The following SYCP1 variants were observed in gnomAD, a reference collection of about 807,000 sequenced individuals.
SYCP1 encodes synaptonemal complex protein 1.
Under a neutral mutation model 153.1 loss-of-function variants are expected in SYCP1, and 64 were observed. The ratio of observed to expected loss-of-function variants is 0.42; its 90% CI spans 0.34 to 0.51. The LOEUF is 0.51. Among genes scored for constraint, SYCP1 ranks in the 20% least tolerant of loss-of-function variants. SYCP1 has a pLI of 0.06. For missense variants in SYCP1, 997 were observed against 1,049.0 expected (o/e 0.95, Z 0.68); for synonymous variants, 384 against 341.8 (o/e 1.12, Z -1.36).
At chr1:114,860,398 C>T (rs968768023) in intron 7 of SYCP1, among the ~76,000 whole-genome samples, 5 of 152,026 alleles carry the variant, frequency 3.3e-5, no homozygotes, top group African/African-American at 7.2e-5. Flanking sequence ...CATTATTTTT[C>T]CTTAGGCAAA....
intron 16 of SYCP1, among the ~76,000 whole-genome samples, chr1:114,907,588 T>G (rs1332086961): frequency 6.6e-6 from 1 of 151,508 alleles, no homozygotes; most frequent in Non-Finnish European, 1.5e-5. Context: ...GAAACTTTTT[T>G]TTTTTTTTTT....
At chr1:114,952,220 C>T (rs564457225) in intron 27 of SYCP1, among the ~76,000 whole-genome samples, 1 of 152,278 alleles carries the variant, frequency 6.6e-6, no homozygotes, top group East Asian at 1.9e-4. Flanking sequence ...ATATTAGTTT[C>T]ATAAGCAACT....
At chr1:114,977,453 C>A in intron 27 of SYCP1, 104 bp from the exon 28 acceptor site, 1 of 679,098 alleles carries the variant, frequency 1.5e-6, no homozygotes, top group Non-Finnish European at 2.3e-6. Context: ...TTGAGAGGTT[C>A]GTCATCTTTC....
intron 30 of SYCP1, among the ~76,000 whole-genome samples, chr1:114,987,836 G>A (rs1673622302): frequency 6.6e-6 from 1 of 151,702 alleles, no homozygotes; most frequent in African/African-American, 2.4e-5. Flanking sequence ...TCTTAAAGTA[G>A]CTCAAATTGC....
At chr1:114,865,464 T>G (rs972435638) in intron 8 of SYCP1, among the ~76,000 whole-genome samples, 2 of 152,228 alleles carry the variant, frequency 1.3e-5, no homozygotes, top group African/African-American at 4.8e-5. Flanking sequence ...AGGTTCTGTC[T>G]TGCCTTTTCA....
chr1:114,855,377 A>AGT (rs1663865110), intron 1 of SYCP1, 64 bp from the exon 2 acceptor site: 7 of 891,822 alleles, frequency 7.8e-6, no homozygotes, highest in Non-Finnish European at 1.2e-5. Context: ...AAGAATACAT[A>AGT]GTGTATTCAT....
At chr1:114,867,206 T>C (rs964988538) in intron 8 of SYCP1, among the ~76,000 whole-genome samples, 1 of 152,130 alleles carries the variant, frequency 6.6e-6, no homozygotes, top group Non-Finnish European at 1.5e-5. Context: ...AACTTTGTTC[T>C]TCTCCTTTAA....
chr1:114,926,026 C>A (rs570294292), intron 21 of SYCP1, among the ~76,000 whole-genome samples: 1 of 151,946 alleles, frequency 6.6e-6, no homozygotes, highest in Non-Finnish European at 1.5e-5. Context: ...GTAATCCCAG[C>A]ACTTTGGGAG....
Position 114,859,819 on chromosome 1 carries a change from T to C in SYCP1, c.524+9T>C. On this transcript the variant is annotated intron_variant, in intron 7 of 31. Coordinates refer to ENST00000369522, the MANE Select transcript of SYCP1 (RefSeq NM_003176.4). ...AAAGATTTAATAAAAGAGTAAGTAG[T>C]AATTTAATGAATTTGTTCTTTTCAC... 1 of 686,978 alleles carries C rather than the reference T, an allele frequency of 1.5e-6. No homozygotes were observed. The highest frequency in any genetic ancestry group is 2.2e-5 in the South Asian group (1 of 46,500). The allele number at this position is 686,978 out of a possible 1,614,324, so 42.6% of individuals were successfully genotyped here.
intron 20 of SYCP1, among the ~76,000 whole-genome samples, chr1:114,915,463 A>G (rs1448250355): frequency 6.6e-6 from 1 of 152,212 alleles, no homozygotes; most frequent in Non-Finnish European, 1.5e-5. Flanking sequence ...TCTACCTAAC[A>G]AAGGGTGATA....
At chr1:114,890,446 A>T (rs1400294371) in intron 15 of SYCP1, among the ~76,000 whole-genome samples, 1 of 151,936 alleles carries the variant, frequency 6.6e-6, no homozygotes, top group Non-Finnish European at 1.5e-5. Flanking sequence ...TATTTTATAC[A>T]TACTAATATA....
chr1:114,980,549 G>A (rs574111068), intron 28 of SYCP1, among the ~76,000 whole-genome samples: 2 of 151,920 alleles, frequency 1.3e-5, no homozygotes, highest in African/African-American at 2.4e-5. Flanking sequence ...AAGTTAGGCT[G>A]GTGGATAGGA....
At chr1:114,977,919 G>A (rs536666160) in intron 28 of SYCP1, among the ~76,000 whole-genome samples, 6 of 151,378 alleles carry the variant, frequency 4.0e-5, no homozygotes, top group Non-Finnish European at 5.9e-5. Context: ...AGGTACCTCT[G>A]TGTTTCTCTC....
At chr1:114,901,477 T>C (rs1667442859) in intron 16 of SYCP1, among the ~76,000 whole-genome samples, 1 of 152,162 alleles carries the variant, frequency 6.6e-6, no homozygotes, top group Non-Finnish European at 1.5e-5. Context: ...TCCAAGGCAG[T>C]GCGTGGAGGG....
chr1:114,945,786 A>T (rs1053875074), intron 25 of SYCP1, among the ~76,000 whole-genome samples: 1 of 109,444 alleles, frequency 9.1e-6, no homozygotes, highest in Non-Finnish European at 2.3e-5. Flanking sequence ...TGATGTAATA[A>T]TTTTTTTATT....
At chr1:114,917,686 A>G (rs1447626063) in intron 20 of SYCP1, among the ~76,000 whole-genome samples, 3 of 152,046 alleles carry the variant, frequency 2.0e-5, no homozygotes, top group Non-Finnish European at 2.9e-5. Flanking sequence ...TAACTGGGGT[A>G]AGATGATATC....
chr1:114,936,124 C>G (rs898550212), intron 23 of SYCP1, among the ~76,000 whole-genome samples: 1 of 152,104 alleles, frequency 6.6e-6, no homozygotes, highest in African/African-American at 2.4e-5. Context: ...GACCAATATC[C>G]CTGATGAACA....
chr1:114,876,047 T>C, intron 9 of SYCP1, 22 bp from the exon 10 acceptor site: 2 of 1,510,076 alleles, frequency 1.3e-6, no homozygotes, highest in Non-Finnish European at 1.8e-6. Flanking sequence ...TTAAGTATGA[T>C]TCTTAAAACT....
chr1:114,990,869 A>G (rs1673868298), intron 30 of SYCP1, among the ~76,000 whole-genome samples: 1 of 151,972 alleles, frequency 6.6e-6, no homozygotes, highest in South Asian at 2.1e-4. Flanking sequence ...ATTCTACCAA[A>G]TATTTAAAGA....
Sources: gnomAD v4.1 joint callset for allele counts (sites outside exome capture counted in the v4.1 genomes callset) on GRCh38, gnomAD v4.1.1 for gene constraint, MANE v1.5 for transcripts, NCBI Gene and HGNC (gene_info 2026-07-23, HGNC 2026-07-21) for gene names.